The following AGBL1 variants were observed in gnomAD, a reference collection of about 807,000 sequenced individuals.
AGBL1 encodes AGBL carboxypeptidase 1.
Under a neutral mutation model 118.9 loss-of-function variants are expected in AGBL1, and 130 were observed. The ratio of observed to expected loss-of-function variants is 1.09; its 90% CI spans 0.95 to 1.26. The LOEUF (loss-of-function observed/expected upper bound fraction) is 1.26, where lower values mean the gene tolerates loss of function less well. Among genes scored for constraint, AGBL1 ranks in the 50% most tolerant of loss-of-function variants. The pLI, the probability that AGBL1 is intolerant of heterozygous loss-of-function variation, is 0.00. For missense variants in AGBL1, 1,584 were observed against 1,298.1 expected (o/e 1.22, Z -3.38); for synonymous variants, 555 against 478.9 (o/e 1.16, Z -2.08).
intron 23 of AGBL1, among the ~76,000 whole-genome samples, chr15:86,964,909 G>C (rs1050011244): frequency 6.6e-6 from 1 of 152,014 alleles, no homozygotes; most frequent in African/African-American, 2.4e-5. Flanking sequence ...GTGACAGTTT[G>C]TTGAGAATAA....
intron 18 of AGBL1, among the ~76,000 whole-genome samples, chr15:86,427,386 A>G (rs962270789): frequency 5.3e-5 from 8 of 152,136 alleles, no homozygotes; most frequent in Admixed American, 2.6e-4. Flanking sequence ...TAATTAGGCA[A>G]TATTTCTATG....
intron 21 of AGBL1, among the ~76,000 whole-genome samples, chr15:86,633,263 G>A (rs1343086228): frequency 6.6e-6 from 1 of 152,080 alleles, no homozygotes; most frequent in Non-Finnish European, 1.5e-5. Context: ...AGCTTTTATG[G>A]TTTCTTGCAC....
At chr15:86,517,603 C>G (rs2083137027) in intron 18 of AGBL1, among the ~76,000 whole-genome samples, 1 of 152,158 alleles carries the variant, frequency 6.6e-6, no homozygotes, top group Non-Finnish European at 1.5e-5. Context: ...TAACCCATTT[C>G]TGGGTTCCTG....
At chr15:86,528,155 G>C (rs984829110) in intron 19 of AGBL1, among the ~76,000 whole-genome samples, 2 of 152,202 alleles carry the variant, frequency 1.3e-5, no homozygotes, top group Non-Finnish European at 2.9e-5. Context: ...CAGCGTGAGC[G>C]ACGCAGAAGA....
intron 19 of AGBL1, among the ~76,000 whole-genome samples, chr15:86,532,112 C>A (rs1446730543): frequency 6.6e-6 from 1 of 150,734 alleles, no homozygotes; most frequent in Non-Finnish European, 1.5e-5. Flanking sequence ...CTGGCCAGGG[C>A]AATCAGGCAG....
chr15:86,752,532 C>G (rs2077870629), intron 22 of AGBL1, among the ~76,000 whole-genome samples: 1 of 152,190 alleles, frequency 6.6e-6, no homozygotes, highest in South Asian at 2.1e-4. Flanking sequence ...CTGTCATCAC[C>G]TTCCCAGATC....
intron 4 of AGBL1, among the ~76,000 whole-genome samples, chr15:86,155,433 G>A (rs374829839): frequency 4.6e-5 from 7 of 152,198 alleles, no homozygotes; most frequent in Non-Finnish European, 8.8e-5. Context: ...CTGGGTGACA[G>A]AGTGAGACCT....
At position 86,408,547 on chromosome 15, in the gene AGBL1, C is replaced by T. The variant is rs151107963; in HGVS notation, c.2555+11001C>T. Among the ~76,000 whole-genome samples, 104 of 152,282 alleles carry T rather than the reference C, an allele frequency of 6.8e-4. No individual in the cohort carries two copies. The East Asian group carries it at 0.015, about 22-fold the overall frequency. ...TCATGTTTAATTCCTGAGTTTCATT[C>T]GTCACATTTTAATTTAGATTGCTTT... On this transcript the variant is annotated intron_variant, in intron 18 of 22. Transcript: ENST00000614907.
chr15:86,450,072 C>T (rs1300085249), intron 18 of AGBL1, among the ~76,000 whole-genome samples: 1 of 152,160 alleles, frequency 6.6e-6, no homozygotes, highest in Non-Finnish European at 1.5e-5. Context: ...CATCAATGCC[C>T]AGTGACTTCT....
At chr15:86,952,862 T>A (rs1019948534) in intron 23 of AGBL1, among the ~76,000 whole-genome samples, 1 of 152,208 alleles carries the variant, frequency 6.6e-6, no homozygotes, top group African/African-American at 2.4e-5. Context: ...TTGTATATAG[T>A]GAAAGGTAAG....
intron 23 of AGBL1, among the ~76,000 whole-genome samples, chr15:86,947,429 A>C (rs2080837668): frequency 6.6e-6 from 1 of 152,174 alleles, no homozygotes; most frequent in Admixed American, 6.6e-5. Flanking sequence ...CAGATATTTC[A>C]TATTTTATGT....
chr15:86,452,899 T>A (rs1240452522), intron 18 of AGBL1, among the ~76,000 whole-genome samples: 1 of 152,172 alleles, frequency 6.6e-6, no homozygotes, highest in Non-Finnish European at 1.5e-5. Flanking sequence ...AATTGCTCTT[T>A]CCCCTGGTAT....
At chr15:86,765,180 C>T (rs1338465299) in intron 22 of AGBL1, among the ~76,000 whole-genome samples, 1 of 151,954 alleles carries the variant, frequency 6.6e-6, no homozygotes, top group East Asian at 1.9e-4. Context: ...AGCAGAGAAG[C>T]CCCTGACTTG....
At chr15:86,400,939 G>A (rs1567237553) in intron 18 of AGBL1, among the ~76,000 whole-genome samples, 1 of 152,050 alleles carries the variant, frequency 6.6e-6, no homozygotes, top group Non-Finnish European at 1.5e-5. Flanking sequence ...GTGTTCAAGT[G>A]ACTTTCATAT....
chr15:87,030,149 AC>A (rs2081770215), downstream of AGBL1, among the ~76,000 whole-genome samples: 1 of 152,016 alleles, frequency 6.6e-6, no homozygotes, highest in African/African-American at 2.4e-5. Context: ...AGTTGAAGTC[AC>A]TATTACCACT....
intron 17 of AGBL1, among the ~76,000 whole-genome samples, chr15:86,314,945 T>A (rs2079978256): frequency 6.6e-6 from 1 of 152,196 alleles, no homozygotes; most frequent in South Asian, 2.1e-4. Flanking sequence ...GGAAAGTGGC[T>A]TAAACTGTCT....
chr15:86,081,720 T>C (rs1042400734), intron 1 of AGBL1, among the ~76,000 whole-genome samples: 1 of 152,242 alleles, frequency 6.6e-6, no homozygotes, highest in East Asian at 1.9e-4. Context: ...ATGGAGATCT[T>C]GATTAACTGA....
At chr15:86,648,408 A>C (rs1476453323) in intron 21 of AGBL1, among the ~76,000 whole-genome samples, 1 of 152,194 alleles carries the variant, frequency 6.6e-6, no homozygotes, top group Admixed American at 6.5e-5. Context: ...AAAAATCAAG[A>C]ATAATGGAGT....
intron 23 of AGBL1, among the ~76,000 whole-genome samples, chr15:86,967,164 G>C (rs2081063421): frequency 6.6e-6 from 1 of 152,086 alleles, no homozygotes; most frequent in Non-Finnish European, 1.5e-5. Flanking sequence ...CCCACTTGTT[G>C]ATGGGGTTGT....
Sources: gnomAD v4.1 joint callset for allele counts (sites outside exome capture counted in the v4.1 genomes callset) on GRCh38, gnomAD v4.1.1 for gene constraint, MANE v1.5 for transcripts, NCBI Gene and HGNC (gene_info 2026-07-23, HGNC 2026-07-21) for gene names.